The following PARP4 variants were observed in gnomAD, a reference collection of about 807,000 sequenced individuals.
PARP4 encodes the protein poly(ADP-ribose) polymerase family member 4.
A neutral mutation model predicts 187.7 loss-of-function variants in PARP4; 120 were observed. The ratio of observed to expected loss-of-function variants is 0.64; its 90% CI spans 0.55 to 0.74. The LOEUF is 0.74. Among genes scored for constraint, PARP4 ranks in the 30% least tolerant of loss-of-function variants. The pLI, the probability that PARP4 is intolerant of heterozygous loss-of-function variation, is 0.00. For missense variants in PARP4, 1,836 were observed against 2,070.5 expected, an observed-to-expected ratio of 0.89 and a Z score of 2.20; for synonymous variants, 654 against 740.9, an observed-to-expected ratio of 0.88 and a Z score of 1.90.
intron 10 of PARP4, among the ~76,000 whole-genome samples, chr13:24,487,036 C>T (rs879334286): frequency 2.7e-5 from 4 of 150,776 alleles, no homozygotes; most frequent in Non-Finnish European, 4.4e-5. Flanking sequence ...CTGTGGTGGG[C>T]GGATCATGAG....
At chr13:24,507,485 C>G (rs976596257) in intron 1 of PARP4, among the ~76,000 whole-genome samples, 20 of 152,200 alleles carry the variant, frequency 1.3e-4, no homozygotes, top group Admixed American at 9.8e-4. Context: ...TCCCTCTCCC[C>G]CTTGGCTGGA....
intron 6 of PARP4, 23 bp from the exon 7 acceptor site, chr13:24,494,745 A>G: frequency 1.3e-6 from 2 of 1,546,900 alleles, no homozygotes; most frequent in African/African-American, 1.4e-5. Flanking sequence ...GTGTATAGCA[A>G]AAGTACAGTC....
At chr13:24,501,585 G>A (rs1476963008) in intron 3 of PARP4, 48 bp downstream of exon 3, 15 of 1,294,448 alleles carry the variant, frequency 1.2e-5, no homozygotes, top group Non-Finnish European at 1.6e-5. Context: ...ACCCAAGCGT[G>A]TACTATGGCA....
In PARP4 at chr13:24,490,802, A is replaced by G. The variant is rs1331692857; in HGVS notation, c.1080T>C (p.Cys360=). 6.2e-7 allele frequency: 1 copy of G among 1,614,128 alleles called. No individual in the cohort carries two copies. Among genetic ancestry groups the G allele is most frequent in the Admixed American group, 1.7e-5 (1 of 60,016 alleles). Residue 360 remains cysteine (C), a synonymous_variant, in exon 10 of 34, where the codon TGT becomes TGC. Coordinates refer to ENST00000381989, the MANE Select transcript of PARP4 (RefSeq NM_006437.4). ...CQLIRDMVNV[C]ETNLSKPNPP... ...GGTTGGGTTTGGACAAATTAGTTTC[A>G]CAGACATTAACCATGTCTCTTATTA... is the stretch of plus-strand genomic sequence containing the variant.
intron 15 of PARP4, among the ~76,000 whole-genome samples, chr13:24,474,158 T>A (rs912185876): frequency 4.5e-4 from 69 of 152,150 alleles, no homozygotes; most frequent in African/African-American, 1.6e-3. Context: ...GGGCAAACAC[T>A]CTGCTGTCTT....
intron 3 of PARP4, 67 bp from the exon 4 acceptor site, chr13:24,500,449 G>T: frequency 1.0e-6 from 1 of 978,568 alleles, no homozygotes; most frequent in Non-Finnish European, 1.6e-6. Context: ...GTTAACCTAA[G>T]TGCTGGAATT....
At chr13:24,444,755 T>C (rs1289928241) in intron 27 of PARP4, among the ~76,000 whole-genome samples, 2 of 152,072 alleles carry the variant, frequency 1.3e-5, no homozygotes, top group Non-Finnish European at 2.9e-5. Context: ...GACATAGGAG[T>C]AGCTCTGAAA....
rs150225526 is a variant in PARP4 at position 24,422,301 on chromosome 13, T to C, written c.4980-987A>G. On this transcript the variant is annotated intron_variant, in intron 33 of 33. Transcript: ENST00000381989. ...TAGTGCACAGTAGGCACTCAATAAA[T>C]GTTCGCTGAATGTCATGATACTAAA... Among the ~76,000 whole-genome samples, 208 of 152,314 alleles carry C rather than the reference T, an allele frequency of 1.4e-3. 1 individual carries two copies. Among genetic ancestry groups the C allele is most frequent in the African/African-American group, 4.8e-3 (199 of 41,564 alleles).
intron 4 of PARP4, 143 bp downstream of exon 4, chr13:24,500,173 A>G: frequency 2.4e-6 from 1 of 416,032 alleles, no homozygotes; most frequent in Non-Finnish European, 4.3e-6. Context: ...AAAAGACTCA[A>G]ATAAAAAATC....
chr13:24,441,299 G>A (rs973650338), intron 30 of PARP4, among the ~76,000 whole-genome samples: 2 of 152,084 alleles, frequency 1.3e-5, no homozygotes, highest in African/African-American at 2.4e-5. Flanking sequence ...CCACGGTGCC[G>A]GATCAGATTT....
chr13:24,468,250 C>T (rs1372656788), intron 17 of PARP4, among the ~76,000 whole-genome samples: 6 of 152,172 alleles, frequency 3.9e-5, no homozygotes, highest in African/African-American at 1.2e-4. Context: ...CCCTCTTCCA[C>T]ACTGTCCACG....
chr13:24,501,870 G>A (rs1869312445), intron 2 of PARP4, 36 bp from the exon 3 acceptor site: 2 of 1,139,958 alleles, frequency 1.8e-6, no homozygotes, highest in East Asian at 4.7e-5. Flanking sequence ...TATGCATCAA[G>A]AAAAACAACA....
intron 2 of PARP4, among the ~76,000 whole-genome samples, chr13:24,503,009 C>A (rs1036215687): frequency 2.0e-5 from 3 of 152,170 alleles, no homozygotes; most frequent in African/African-American, 7.2e-5. Context: ...GCCAGCCTGG[C>A]ACCTAGAGCC....
At chr13:24,451,102 G>A (rs1273788289) in intron 24 of PARP4, among the ~76,000 whole-genome samples, 1 of 152,186 alleles carries the variant, frequency 6.6e-6, no homozygotes, top group Non-Finnish European at 1.5e-5. Context: ...CAGCCCCAGA[G>A]TCGGGGCCCG....
intron 14 of PARP4, among the ~76,000 whole-genome samples, 194 bp downstream of exon 14, chr13:24,477,507 C>G (rs1048686046): frequency 6.6e-6 from 1 of 151,878 alleles, no homozygotes; most frequent in African/African-American, 2.4e-5. Flanking sequence ...TATTTTGATA[C>G]TAGGCAGAGG....
intron 33 of PARP4, among the ~76,000 whole-genome samples, chr13:24,426,097 T>C (rs1303772998): frequency 6.6e-6 from 1 of 152,230 alleles, no homozygotes; most frequent in Non-Finnish European, 1.5e-5. Context: ...TTGTATTGTA[T>C]TCTTGTCCCA....
At chr13:24,424,509 CT>C (rs1212779829) in intron 33 of PARP4, among the ~76,000 whole-genome samples, 1 of 152,060 alleles carries the variant, frequency 6.6e-6, no homozygotes, top group Non-Finnish European at 1.5e-5. Context: ...TGTTTAACTT[CT>C]TTGATTTTAT....
At chr13:24,465,628 G>C (rs1168005675) in intron 17 of PARP4, among the ~76,000 whole-genome samples, 1 of 152,214 alleles carries the variant, frequency 6.6e-6, no homozygotes, top group Non-Finnish European at 1.5e-5. Flanking sequence ...AGCGGAGGCA[G>C]GGAGAGGGAG....
chr13:24,454,475 C>T (rs1035798486), intron 22 of PARP4, among the ~76,000 whole-genome samples: 10 of 152,154 alleles, frequency 6.6e-5, no homozygotes, highest in Non-Finnish European at 1.5e-4. Context: ...CTGAGACGTC[C>T]CTGGGCCCCA....
Sources: gnomAD v4.1 joint callset for allele counts (sites outside exome capture counted in the v4.1 genomes callset) on GRCh38, gnomAD v4.1.1 for gene constraint, MANE v1.5 for transcripts, NCBI Gene and HGNC (gene_info 2026-07-23, HGNC 2026-07-21) for gene names.